The following RREB1 variants were observed in gnomAD, a reference collection of about 807,000 sequenced individuals.
RREB1 encodes the protein ras responsive element binding protein 1.
Under a neutral mutation model 117.8 loss-of-function variants are expected in RREB1, and 27 were observed. The observed-to-expected ratio is 0.23, with a 90% confidence interval of 0.17 to 0.32. The LOEUF is 0.32. Among genes scored for constraint, RREB1 ranks in the 10% least tolerant of loss-of-function variants. The probability of loss-of-function intolerance (pLI) is 1.00; values close to 1 mark genes in which losing one functional copy is unlikely to be tolerated. For synonymous variants in RREB1, 1,298 were observed against 1,026.7 expected, an observed-to-expected ratio of 1.26 and a Z score of -5.05; for missense variants, 2,577 against 2,378.2, an observed-to-expected ratio of 1.08 and a Z score of -1.74.
At chr6:7,135,051 G>C (rs1201122552) in intron 1 of RREB1, among the ~76,000 whole-genome samples, 2 of 152,168 alleles carry the variant, frequency 1.3e-5, no homozygotes. Context: ...CTCTCCCTTG[G>C]CCCTTTTAAT....
intron 2 of RREB1, among the ~76,000 whole-genome samples, chr6:7,177,799 T>A (rs1764581456): frequency 6.6e-6 from 1 of 152,204 alleles, no homozygotes; most frequent in Non-Finnish European, 1.5e-5. Flanking sequence ...CTCAGCTCAC[T>A]GCAACCTCTG....
intron 1 of RREB1, among the ~76,000 whole-genome samples, chr6:7,148,431 T>G (rs1349091493): frequency 1.3e-5 from 2 of 152,044 alleles, no homozygotes; most frequent in Non-Finnish European, 2.9e-5. Context: ...AGGAGCCCTC[T>G]GTGTTATTTC....
At chr6:7,146,346 GGTA>G (rs1762857094) in intron 1 of RREB1, among the ~76,000 whole-genome samples, 1 of 152,102 alleles carries the variant, frequency 6.6e-6, no homozygotes, top group South Asian at 2.1e-4. Context: ...TGGGACCGGG[GGTA>G]GATGGCCTGA....
At chr6:7,192,811 A>G (rs1223965857) in intron 6 of RREB1, among the ~76,000 whole-genome samples, 1 of 152,090 alleles carries the variant, frequency 6.6e-6, no homozygotes, top group East Asian at 1.9e-4. Context: ...AAACATTATT[A>G]TTATCCGTTT....
intron 6 of RREB1, 70 bp from the exon 7 acceptor site, chr6:7,210,734 A>G (rs1766531100): frequency 2.1e-6 from 3 of 1,439,232 alleles, no homozygotes; most frequent in Middle Eastern, 1.8e-4. Context: ...GCCTAAATAT[A>G]AAATATTAAA....
At chr6:7,141,648 G>A (rs1409461644) in intron 1 of RREB1, among the ~76,000 whole-genome samples, 1 of 152,238 alleles carries the variant, frequency 6.6e-6, no homozygotes, top group African/African-American at 2.4e-5. Context: ...ACATGTAGCA[G>A]GGTATTTCAT....
intron 6 of RREB1, among the ~76,000 whole-genome samples, chr6:7,201,324 C>A (rs1182635689): frequency 6.6e-6 from 1 of 152,184 alleles, no homozygotes; most frequent in African/African-American, 2.4e-5. Flanking sequence ...GCATTTCCAC[C>A]GTAGCACTTC....
rs551199831 is a variant in RREB1 at position 7,240,650 on chromosome 6, G to A, written c.3973+48G>A. ...AACCCAGGAAGAGGGAGAGAGAGGA[G>A]TTCGGTTAAGAATTGTAGCAAACTC... On this transcript the variant is annotated intron_variant, in intron 11 of 12. Transcript: ENST00000379938. 1.7e-5 allele frequency: 26 copies of A among 1,560,756 alleles called. 1 individual carries two copies. The South Asian group carries it at 2.9e-4, about 17-fold the overall frequency.
chr6:7,130,476 T>A (rs748818241), intron 1 of RREB1, among the ~76,000 whole-genome samples: 7 of 152,174 alleles, frequency 4.6e-5, no homozygotes, highest in Non-Finnish European at 1.0e-4. Context: ...GCTGGGAGTC[T>A]CTGCCTGGTG....
intron 1 of RREB1, among the ~76,000 whole-genome samples, chr6:7,153,164 T>C (rs1763198765): frequency 6.7e-6 from 1 of 149,922 alleles, no homozygotes; most frequent in Non-Finnish European, 1.5e-5. Context: ...CACAGTCTGG[T>C]AAGTTGTATA....
chr6:7,246,761 C>G lies in RREB1; in HGVS notation c.4311C>G (p.Gly1437=), dbSNP rs187908583. 951 of 1,560,684 alleles carry G rather than the reference C, an allele frequency of 6.1e-4. 9 individuals are homozygous for G. In the South Asian group the frequency reaches 0.01, roughly 17 times the overall value. Residue 1437 remains glycine, a synonymous_variant, in exon 12 of 13, where the codon GGC becomes GGG. Coordinates refer to ENST00000379938, the MANE Select transcript of RREB1 (RefSeq NM_001003699.4). ...TGGCGGAGGGCGACGGCGAGGCAGG[C>G]GCCGGGGGCGCGGCCTCGCAGGAGC... The part of the protein sequence containing the change: ...FKLAEGDGEA[G]AGGAASQEQK...
intron 11 of RREB1, among the ~76,000 whole-genome samples, chr6:7,245,350 A>G (rs1768940907): frequency 6.6e-6 from 1 of 152,092 alleles, no homozygotes; most frequent in Admixed American, 6.6e-5. Flanking sequence ...AGTGGAGATC[A>G]CACCATTGCA....
intron 1 of RREB1, among the ~76,000 whole-genome samples, chr6:7,125,631 G>A (rs1228590961): frequency 6.6e-6 from 1 of 152,184 alleles, no homozygotes; most frequent in East Asian, 1.9e-4. Flanking sequence ...GTCCATTGTT[G>A]TTTTATAATA....
rs199748432 is a variant in RREB1 at position 7,140,237 on chromosome 6, G to GT, written c.-285+32186dup. On this transcript the variant is annotated intron_variant, in intron 1 of 12. Transcript: ENST00000379938. ...GCAAGGCAAGTGACTTTAAAACATG[G>GT]TTTTTTTTTCTTTCAATTAAAAAAA... Among the ~76,000 whole-genome samples the GT allele has an allele frequency of 2.2e-4, 34 of 151,348 alleles. No homozygotes were observed. In the East Asian group the frequency reaches 2.9e-3, roughly 13 times the overall value.
chr6:7,226,708 A>C (rs1767606921), intron 9 of RREB1, 52 bp downstream of exon 9: 1 of 1,382,128 alleles, frequency 7.2e-7, no homozygotes, highest in African/African-American at 1.4e-5. Context: ...CATGGTCCAC[A>C]CAGTTAGACC....
At chr6:7,109,024 C>CG (rs1043516069) in intron 1 of RREB1, among the ~76,000 whole-genome samples, 251 of 18,726 alleles carry the variant, frequency 0.013, no homozygotes, top group African/African-American at 0.029. Flanking sequence ...GCCTCGCGGG[C>CG]GGGGGGGGTG....
chr6:7,185,293 G>A (rs1765027895), intron 4 of RREB1: 1 of 152,226 alleles, frequency 6.6e-6, no homozygotes, highest in South Asian at 2.1e-4. Flanking sequence ...GTTTTGGCCG[G>A]GCACGGTGGC....
At chr6:7,117,341 G>C (rs1761445271) in intron 1 of RREB1, among the ~76,000 whole-genome samples, 1 of 149,680 alleles carries the variant, frequency 6.7e-6, no homozygotes, top group African/African-American at 2.5e-5. Flanking sequence ...AGGAAGATGG[G>C]GTGGGTGTTC....
intron 1 of RREB1, among the ~76,000 whole-genome samples, chr6:7,149,748 C>T (rs1388016464): frequency 1.3e-5 from 2 of 152,306 alleles, no homozygotes; most frequent in Non-Finnish European, 2.9e-5. Flanking sequence ...AGTCCAGTGG[C>T]GCAATCTCGG....
Sources: gnomAD v4.1 joint callset for allele counts (sites outside exome capture counted in the v4.1 genomes callset) on GRCh38, gnomAD v4.1.1 for gene constraint, MANE v1.5 for transcripts, NCBI Gene and HGNC (gene_info 2026-07-23, HGNC 2026-07-21) for gene names.